CCDC85C: variants seen among roughly 807,000 people sequenced by gnomAD.
CCDC85C encodes the protein coiled-coil domain containing 85C.
CCDC85C carries 18 observed loss-of-function variants against 38.3 expected under a neutral mutation model. The observed-to-expected ratio is 0.47, with a 90% CI of 0.33 to 0.70. The LOEUF is 0.70. Among genes scored for constraint, CCDC85C ranks in the 30% least tolerant of loss-of-function variants. The probability of loss-of-function intolerance (pLI) is 0.03; values close to 1 mark genes in which losing one functional copy is unlikely to be tolerated. For synonymous variants in CCDC85C, 264 were observed against 293.8 expected (o/e 0.90, Z 1.04); for missense variants, 566 against 621.2 (o/e 0.91, Z 0.94).
intron 1 of CCDC85C, among the ~76,000 whole-genome samples, chr14:99,546,115 G>A (rs551429976): frequency 1.3e-4 from 20 of 152,150 alleles, no homozygotes; most frequent in African/African-American, 3.9e-4. Context: ...CAAGCCCCCC[G>A]GTAGCATAAA....
intron 2 of CCDC85C, among the ~76,000 whole-genome samples, chr14:99,532,786 T>TC (rs1334275228): frequency 6.7e-6 from 1 of 148,344 alleles, no homozygotes; most frequent in Non-Finnish European, 1.5e-5. Flanking sequence ...CTTCTTCTTT[T>TC]TTTTTTTTTT....
At chr14:99,581,154 A>G (rs8022133) in intron 1 of CCDC85C, among the ~76,000 whole-genome samples, 12,770 of 152,198 alleles carry the variant, frequency 0.084, 910 homozygotes, top group African/African-American at 0.19. Context: ...CCCCACCATC[A>G]GCACTGGAGA....
chr14:99,578,453 A>T (rs2054926649), intron 1 of CCDC85C, among the ~76,000 whole-genome samples: 1 of 152,026 alleles, frequency 6.6e-6, no homozygotes, highest in South Asian at 2.1e-4. Flanking sequence ...CCCGTCATGC[A>T]GTAGTTCTTA....
intron 1 of CCDC85C, among the ~76,000 whole-genome samples, chr14:99,581,433 G>A (rs917185699): frequency 5.3e-5 from 8 of 152,340 alleles, no homozygotes; most frequent in Admixed American, 2.6e-4. Context: ...GGAGGACAGC[G>A]TATGAAGCCT....
At position 99,603,393 on chromosome 14, in the gene CCDC85C, C is replaced by G; in HGVS notation, c.567G>C (p.Pro189=). 8.1e-7 allele frequency: 1 copy of G among 1,240,164 alleles called. No homozygotes were observed. Among genetic ancestry groups the G allele is most frequent in the Non-Finnish European group, 1.0e-6 (1 of 993,394 alleles). 76.8% of individuals were successfully genotyped at this position (1,240,164 alleles called of 1,614,324 possible). ...SIDSQASLSG[P]LSGGAPGAGA... ...CCGCGCCGGGCGCGCCACCCGACAG[C>G]GGCCCGCTCAGGCTGGCCTGGCTGT... Residue 189 remains proline (P), a synonymous_variant, in exon 1 of 6, where the codon CCG becomes CCC. Transcript: ENST00000380243. This position sits in a 1 kb window ranked among gnomAD's most constrained non-coding sequence, Gnocchi z 7.5.
intron 1 of CCDC85C, among the ~76,000 whole-genome samples, chr14:99,563,401 A>T (rs1898155648): frequency 6.6e-6 from 1 of 152,256 alleles, no homozygotes; most frequent in South Asian, 2.1e-4. Flanking sequence ...TGTGGGCAGG[A>T]GACCTGGGAA....
chr14:99,560,467 G>A (rs1487715948), intron 1 of CCDC85C, among the ~76,000 whole-genome samples: 2 of 152,212 alleles, frequency 1.3e-5, no homozygotes, highest in Non-Finnish European at 2.9e-5. Flanking sequence ...AGAGCCATGA[G>A]TACCACACAC....
In CCDC85C at chr14:99,504,408, T is replaced by C. The variant is rs1896920325; in HGVS notation, c.*10838A>G. ...GTTATGATAGAGCTACTTTTTTTTT[T>C]TTTCCAGTATATTTGAGGGAATGAT... On this transcript the variant is annotated 3_prime_UTR_variant, in exon 6 of 6. Coordinates refer to ENST00000380243, the MANE Select transcript of CCDC85C (RefSeq NM_001144995.2). 6.6e-6 allele frequency: 1 copy of C among 152,024 alleles called. No individual in the cohort carries two copies. 9.4% of individuals were successfully genotyped at this position (152,024 alleles called of 1,614,324 possible). A position where few individuals can be genotyped will look rare whatever the true frequency, so the allele number is the denominator to read the frequency against.
At chr14:99,565,997 A>G (rs1898209383) in intron 1 of CCDC85C, among the ~76,000 whole-genome samples, 1 of 152,200 alleles carries the variant, frequency 6.6e-6, no homozygotes, top group South Asian at 2.1e-4. Context: ...GTCGTAACGC[A>G]GCGCCGAAAT....
In CCDC85C at chr14:99,515,669, C is replaced by G. The variant is rs1237676713; in HGVS notation, c.1171-334G>C. Among the ~76,000 whole-genome samples, 5 of 152,110 alleles carry G rather than the reference C, an allele frequency of 3.3e-5. No individual in the cohort carries two copies. In the South Asian group the frequency reaches 8.3e-4, roughly 25 times the overall value. On this transcript the variant is annotated intron_variant, in intron 5 of 5. Coordinates refer to ENST00000380243, the MANE Select transcript of CCDC85C (RefSeq NM_001144995.2). The stretch of plus-strand genomic sequence containing the variant: ...AGTCCTGGGTTCAGACCCTATGAAA[C>G]TCCTTCCCCGATGGCTCCTGCAAGC...
chr14:99,534,938 G>C (rs1384568549), intron 2 of CCDC85C: 2 of 566,758 alleles, frequency 3.5e-6, no homozygotes, highest in Non-Finnish European at 6.3e-6. Context: ...GTGTGGAGGA[G>C]AGTTCACAAG....
intron 1 of CCDC85C, among the ~76,000 whole-genome samples, chr14:99,538,490 C>A (rs572776795): frequency 6.6e-6 from 1 of 152,344 alleles, no homozygotes; most frequent in South Asian, 2.1e-4. Context: ...AGGGGGAGGA[C>A]CCAGCCACTG....
rs2055246636 is a variant in CCDC85C at position 99,604,116 on chromosome 14, C to T, written c.-157G>A. ...TGGCGCGTCCTCTCGCCGCGCCCGC[C>T]GGGGCCGCCCGGGAGCCCGCGCGCC... On this transcript the variant is annotated 5_prime_UTR_variant, in exon 1 of 6. Coordinates refer to ENST00000380243, the MANE Select transcript of CCDC85C (RefSeq NM_001144995.2). The T allele has an allele frequency of 2.7e-6, 1 of 372,238 alleles. No individual in the cohort carries two copies. The highest frequency in any genetic ancestry group is 2.0e-4 in the East Asian group (1 of 5,054). 23.1% of individuals were successfully genotyped at this position (372,238 alleles called of 1,614,324 possible).
At chr14:99,575,188 C>T (rs973141774) in intron 1 of CCDC85C, among the ~76,000 whole-genome samples, 7 of 152,210 alleles carry the variant, frequency 4.6e-5, no homozygotes, top group Admixed American at 6.5e-5. Context: ...CAGGAGTCTT[C>T]GTGGGGTGAG....
intron 1 of CCDC85C, among the ~76,000 whole-genome samples, chr14:99,599,519 G>C (rs2055177504): frequency 6.6e-6 from 1 of 152,142 alleles, no homozygotes. Flanking sequence ...GGGTTTACCT[G>C]TCTCAGTGTG....
At chr14:99,581,513 C>T (rs1250514893) in intron 1 of CCDC85C, among the ~76,000 whole-genome samples, 2 of 152,240 alleles carry the variant, frequency 1.3e-5, no homozygotes, top group Admixed American at 1.3e-4. Context: ...TGGGCAGAAA[C>T]CCAGTGACCG....
At chr14:99,575,426 T>G (rs767833814) in intron 1 of CCDC85C, among the ~76,000 whole-genome samples, 6 of 152,196 alleles carry the variant, frequency 3.9e-5, no homozygotes, top group Non-Finnish European at 7.3e-5. Flanking sequence ...CACCCCCTTC[T>G]GTTGGTAACA....
At chr14:99,515,531 A>G (rs993412861) in intron 5 of CCDC85C, among the ~76,000 whole-genome samples, 196 bp from the exon 6 acceptor site, 2 of 152,222 alleles carry the variant, frequency 1.3e-5, no homozygotes, top group East Asian at 1.9e-4. Flanking sequence ...GGGCCTGAGC[A>G]GGTCACTGCT....
At position 99,534,154 on chromosome 14, in the gene CCDC85C, G is replaced by A. The variant is rs868707493; in HGVS notation, c.867+1861C>T. 1.3e-4 allele frequency among the ~76,000 whole-genome samples: 20 copies of A among 152,176 alleles called. 1 individual carries two copies. The highest frequency in any genetic ancestry group is 6.8e-3 in the Middle Eastern group (2 of 294). Reference sequence around the variant, plus strand: ...GAGGATCACCTGAGGTCGGGAGTTCGAGACCAGCCTGACCAACATGGTGAA... The same window carrying A: ...GAGGATCACCTGAGGTCGGGAGTTCAAGACCAGCCTGACCAACATGGTGAA... On this transcript the variant is annotated intron_variant, in intron 2 of 5. Coordinates refer to ENST00000380243, the MANE Select transcript of CCDC85C (RefSeq NM_001144995.2).
Sources: allele counts gnomAD v4.1 joint callset (sites outside exome capture counted in the v4.1 genomes callset), GRCh38; gene constraint gnomAD v4.1.1; non-coding constraint Gnocchi (gnomAD v3.1); transcripts MANE v1.5; gene names NCBI Gene and HGNC (gene_info 2026-07-23, HGNC 2026-07-21).